SHISA5: variants seen among roughly 807,000 people sequenced by gnomAD.
The protein encoded by SHISA5 is shisa family member 5.
Under a neutral mutation model 27.5 loss-of-function variants are expected in SHISA5, and 21 were observed. That is an observed-to-expected ratio of 0.76 (90% CI 0.54 to 1.10). The LOEUF (loss-of-function observed/expected upper bound fraction) is 1.10. SHISA5 is among the 50% of genes least tolerant of loss of function. The pLI is 0.00. For missense variants in SHISA5, 314 were observed against 336.3 expected, an observed-to-expected ratio of 0.93 and a Z score of 0.52; for synonymous variants, 137 against 142.2, an observed-to-expected ratio of 0.96 and a Z score of 0.26.
At chr3:48,493,366 G>A (rs2041480124) in intron 2 of SHISA5, among the ~76,000 whole-genome samples, 1 of 146,646 alleles carries the variant, frequency 6.8e-6, no homozygotes, top group African/African-American at 2.7e-5. Flanking sequence ...GGAGGTAGAG[G>A]CTGCAGTGAG....
chr3:48,471,554 C>CAA (rs1553822500), intron 3 of SHISA5, among the ~76,000 whole-genome samples: 49 of 16,426 alleles, frequency 3.0e-3, no homozygotes, highest in Non-Finnish European at 3.9e-3. Context: ...GACTCTGTCT[C>CAA]AAAAAAAAAA....
intron 2 of SHISA5, among the ~76,000 whole-genome samples, chr3:48,483,998 T>G (rs1385295268): frequency 6.6e-6 from 1 of 152,182 alleles, no homozygotes; most frequent in East Asian, 1.9e-4. Context: ...ATTACAGGTG[T>G]GAGCCACTGC....
intron 2 of SHISA5, among the ~76,000 whole-genome samples, chr3:48,485,608 ATT>A (rs2041190390): frequency 6.9e-6 from 1 of 144,154 alleles, no homozygotes; most frequent in Non-Finnish European, 1.5e-5. Context: ...AAGAATATGT[ATT>A]TATATATAAT....
At chr3:48,474,485 T>C (rs879343683) in intron 3 of SHISA5, among the ~76,000 whole-genome samples, 16 of 151,572 alleles carry the variant, frequency 1.1e-4, no homozygotes, top group Non-Finnish European at 2.1e-4. Flanking sequence ...TACAGGTGCG[T>C]GCCACCACAC....
chr3:48,470,186 G>T lies in SHISA5; in HGVS notation c.315-343C>A, dbSNP rs1054326331. Reference sequence around the variant, plus strand: ...GTATAGGGCACATGCCACAAGCCAGGCACTGTGATTTGAGTCAAAAAACTT... The same window carrying T: ...GTATAGGGCACATGCCACAAGCCAGTCACTGTGATTTGAGTCAAAAAACTT... On this transcript the variant is annotated intron_variant, in intron 3 of 5. Coordinates refer to ENST00000296444, the MANE Select transcript of SHISA5 (RefSeq NM_016479.6). This position sits in a 1 kb window ranked among gnomAD's most constrained non-coding sequence, Gnocchi z 4.3. Among the ~76,000 whole-genome samples, 1 of 152,222 alleles carries T rather than the reference G, an allele frequency of 6.6e-6. No homozygotes were observed. Among genetic ancestry groups the T allele is most frequent in the Non-Finnish European group, 1.5e-5 (1 of 68,040 alleles).
At chr3:48,489,784 T>C (rs993782129) in intron 2 of SHISA5, among the ~76,000 whole-genome samples, 3 of 151,396 alleles carry the variant, frequency 2.0e-5, no homozygotes, top group African/African-American at 7.3e-5. Flanking sequence ...CATGCTACCA[T>C]GCCCAGCTAA....
intron 2 of SHISA5, among the ~76,000 whole-genome samples, chr3:48,482,420 A>T (rs2041055380): frequency 6.6e-6 from 1 of 152,142 alleles, no homozygotes; most frequent in Non-Finnish European, 1.5e-5. Flanking sequence ...CAATAAATAA[A>T]TAAAATAACA....
intron 2 of SHISA5, among the ~76,000 whole-genome samples, chr3:48,500,700 A>G (rs948778261): frequency 2.0e-5 from 3 of 152,204 alleles, no homozygotes; most frequent in Non-Finnish European, 2.9e-5. Flanking sequence ...TAGAGCTCAC[A>G]CTGGGGCACA....
In SHISA5 at chr3:48,488,559, C is replaced by A. The variant is rs561192335; in HGVS notation, c.234-9302G>T. ...TATAGTAAAATGTGAAAAGGCCGGGCGCGGTGGCTCACGCCTGTAATCCCA... is the reference window on the plus strand; with the variant it reads ...TATAGTAAAATGTGAAAAGGCCGGGAGCGGTGGCTCACGCCTGTAATCCCA... On this transcript the variant is annotated intron_variant, in intron 2 of 5. Transcript: ENST00000296444. Among the ~76,000 whole-genome samples the A allele has an allele frequency of 1.2e-4, 17 of 140,354 alleles. 1 individual carries two copies. The South Asian group carries it at 4.4e-3, about 37-fold the overall frequency. 92.1% of individuals were successfully genotyped at this position (140,354 alleles called of 152,430 possible).
At chr3:48,503,130 G>A (rs914866638) in intron 1 of SHISA5, 3 of 1,289,716 alleles carry the variant, frequency 2.3e-6, no homozygotes, top group Non-Finnish European at 2.0e-6. Flanking sequence ...CCCGTGCCTG[G>A]TGGCTCAGGT....
chr3:48,485,047 G>C (rs947349521), intron 2 of SHISA5, among the ~76,000 whole-genome samples: 5 of 151,680 alleles, frequency 3.3e-5, no homozygotes, highest in Non-Finnish European at 7.4e-5. Flanking sequence ...ACAAAAGTTG[G>C]CTGGGCATGT....
chr3:48,502,304 G>C (rs111655683), intron 1 of SHISA5: 38 of 446,694 alleles, frequency 8.5e-5, no homozygotes, highest in African/African-American at 7.4e-4. Context: ...ATCCTGGTCA[G>C]AAATTGTCAC....
Position 48,473,180 on chromosome 3 carries a change from C to A in SHISA5, c.315-3337G>T, listed in dbSNP as rs1357517213. On this transcript the variant is annotated intron_variant, in intron 3 of 5. Transcript: ENST00000296444. The surrounding 1 kb of genome is among the most constrained non-coding windows in gnomAD (Gnocchi z 4.3). ...GCACAGACGCGAAGCCCCGTTCCACCCTCTTAAAGACACAGGATGGCCCCG... is the reference window on the plus strand; with the variant it reads ...GCACAGACGCGAAGCCCCGTTCCACACTCTTAAAGACACAGGATGGCCCCG... 3.5e-6 allele frequency: 5 copies of A among 1,437,492 alleles called. No homozygotes were observed. Among genetic ancestry groups the A allele is most frequent in the Non-Finnish European group, 4.5e-6 (5 of 1,098,906 alleles). 89.0% of individuals were successfully genotyped at this position (1,437,492 alleles called of 1,614,324 possible).
At chr3:48,474,340 A>T (rs1047655241) in intron 3 of SHISA5, among the ~76,000 whole-genome samples, 5 of 144,800 alleles carry the variant, frequency 3.5e-5, no homozygotes, top group Middle Eastern at 6.6e-3. Context: ...TTTTAATTTA[A>T]TTTTTTTTTT....
chr3:48,469,552 GATGT>G lies in SHISA5; in HGVS notation c.448_451del (p.Thr150ProfsTer108), dbSNP rs2040521963. 2.5e-6 allele frequency: 4 copies of G among 1,610,066 alleles called. No homozygotes were observed. The highest frequency in any genetic ancestry group is 8.5e-7 in the Non-Finnish European group (1 of 1,177,224). On this transcript the variant is annotated frameshift_variant, in exon 5 of 6. Coordinates refer to ENST00000296444, the MANE Select transcript of SHISA5 (RefSeq NM_016479.6). LOFTEE classifies it high-confidence loss of function. This position sits in a 1 kb window ranked among gnomAD's most constrained non-coding sequence, Gnocchi z 4.6. ...ATAAGGGGCATGCACCACAGTGGTGGATGTGGTGGTGGTGACAACCGCTGCAAAG... is the reference window on the plus strand; with the variant it reads ...ATAAGGGGCATGCACCACAGTGGTGGGGTGGTGGTGACAACCGCTGCAAAG...
intron 3 of SHISA5, among the ~76,000 whole-genome samples, chr3:48,478,649 C>A (rs2040901504): frequency 6.6e-6 from 1 of 152,106 alleles, no homozygotes. Flanking sequence ...AGAGGAGAGT[C>A]CTGACACAGT....
chr3:48,481,192 G>A lies in SHISA5; in HGVS notation c.234-1935C>T, dbSNP rs1009198621. On this transcript the variant is annotated intron_variant, in intron 2 of 5. Transcript: ENST00000296444. Reference sequence around the variant, plus strand: ...GTGGTGGCTCACGCCTGTAATCCCAGCATTTTGGGAGGCCAAGGTGGGTGG... The same window carrying A: ...GTGGTGGCTCACGCCTGTAATCCCAACATTTTGGGAGGCCAAGGTGGGTGG... Among the ~76,000 whole-genome samples the A allele has an allele frequency of 2.6e-5, 4 of 152,110 alleles. No individual in the cohort carries two copies. The South Asian group carries it at 8.3e-4, about 31-fold the overall frequency.
At chr3:48,472,919 T>A in intron 3 of SHISA5, 3 of 1,281,874 alleles carry the variant, frequency 2.3e-6, no homozygotes. Context: ...ACGCCATCAA[T>A]GACATGCGAC....
At chr3:48,503,770 C>T in intron 1 of SHISA5, 1 of 1,240,714 alleles carries the variant, frequency 8.1e-7, no homozygotes, top group Non-Finnish European at 1.0e-6. Flanking sequence ...GAGGGCAGAC[C>T]CCTCCCCACC....
Sources: gnomAD v4.1 joint callset for allele counts (sites outside exome capture counted in the v4.1 genomes callset) on GRCh38, gnomAD v4.1.1 for gene constraint, Gnocchi (gnomAD v3.1) non-coding constraint, MANE v1.5 for transcripts, NCBI Gene and HGNC (gene_info 2026-07-23, HGNC 2026-07-21) for gene names.